NKAIN2: variants seen among roughly 807,000 people sequenced by gnomAD.
NKAIN2 encodes the protein sodium/potassium transporting ATPase interacting 2.
In NKAIN2, 14 loss-of-function variants were observed where a neutral mutation model predicts 32.6. That is an observed-to-expected ratio of 0.43 (90% CI 0.28 to 0.67). NKAIN2 has a LOEUF of 0.67. NKAIN2 is among the 30% of genes least tolerant of loss of function. NKAIN2 has a pLI of 0.17. For synonymous variants in NKAIN2, 80 were observed against 87.2 expected (o/e 0.92, Z 0.46); for missense variants, 198 against 258.3 (o/e 0.77, Z 1.60).
At chr6:123,854,309 C>T (rs1775474543) in intron 1 of NKAIN2, among the ~76,000 whole-genome samples, 1 of 152,132 alleles carries the variant, frequency 6.6e-6, no homozygotes, top group Non-Finnish European at 1.5e-5. Context: ...AATCAAAAGA[C>T]ATTTTAATTT....
intron 1 of NKAIN2, among the ~76,000 whole-genome samples, chr6:123,889,351 C>T (rs556073942): frequency 6.6e-6 from 1 of 152,040 alleles, no homozygotes; most frequent in Non-Finnish European, 1.5e-5. Flanking sequence ...TATATTTTGC[C>T]CTTTTCTACC....
intron 3 of NKAIN2, among the ~76,000 whole-genome samples, chr6:124,416,518 A>G (rs1774494825): frequency 6.6e-6 from 1 of 152,154 alleles, no homozygotes; most frequent in Non-Finnish European, 1.5e-5. Context: ...ATGCACCTGT[A>G]GTCCCGGCTG....
chr6:124,813,295 A>G (rs1780997903), intron 5 of NKAIN2, among the ~76,000 whole-genome samples: 1 of 152,174 alleles, frequency 6.6e-6, no homozygotes, highest in African/African-American at 2.4e-5. Context: ...ACAGTATTAG[A>G]TCAAAGAAGA....
intron 1 of NKAIN2, among the ~76,000 whole-genome samples, chr6:124,159,008 G>C (rs1788135820): frequency 6.6e-6 from 1 of 152,166 alleles, no homozygotes; most frequent in Non-Finnish European, 1.5e-5. Context: ...CTATGACATA[G>C]ATGTAATGCT....
At chr6:124,614,191 C>G (rs1253219232) in intron 3 of NKAIN2, among the ~76,000 whole-genome samples, 5 of 152,118 alleles carry the variant, frequency 3.3e-5, no homozygotes, top group Non-Finnish European at 5.9e-5. Context: ...GTCAGGAGTT[C>G]GAGACCAGCC....
At chr6:124,185,259 T>G (rs1299359115) in intron 1 of NKAIN2, among the ~76,000 whole-genome samples, 4 of 152,160 alleles carry the variant, frequency 2.6e-5, no homozygotes, top group Admixed American at 1.3e-4. Flanking sequence ...ATTCATTTCA[T>G]TATAACTGTA....
chr6:123,971,880 T>C (rs1359810640), intron 1 of NKAIN2, among the ~76,000 whole-genome samples: 1 of 152,186 alleles, frequency 6.6e-6, no homozygotes, highest in African/African-American at 2.4e-5. Context: ...TAAAGTTTCA[T>C]ATTCTGCAAG....
At chr6:124,635,078 CAAAG>C (rs372766067) in intron 3 of NKAIN2, among the ~76,000 whole-genome samples, 14 of 147,760 alleles carry the variant, frequency 9.5e-5, no homozygotes, top group Admixed American at 1.3e-4. Flanking sequence ...AGAAAAAAGA[CAAAG>C]AAAGAAAGAG....
chr6:124,357,100 A>G (rs971283591), intron 3 of NKAIN2, among the ~76,000 whole-genome samples: 3 of 152,132 alleles, frequency 2.0e-5, no homozygotes, highest in African/African-American at 7.2e-5. Context: ...AATTCTTCCA[A>G]TGTACATGGG....
At chr6:124,707,981 C>T (rs1252475201) in intron 4 of NKAIN2, among the ~76,000 whole-genome samples, 8 of 148,780 alleles carry the variant, frequency 5.4e-5, no homozygotes, top group Non-Finnish European at 7.5e-5. Flanking sequence ...TTAGGTCTAA[C>T]GTTTAAGTCT....
At chr6:124,556,028 A>C (rs1342014884) in intron 3 of NKAIN2, among the ~76,000 whole-genome samples, 1 of 151,872 alleles carries the variant, frequency 6.6e-6, no homozygotes, top group Non-Finnish European at 1.5e-5. Context: ...AGCCACATAA[A>C]AACTTCTTCC....
intron 4 of NKAIN2, among the ~76,000 whole-genome samples, chr6:124,760,938 GT>G (rs1246537957): frequency 6.6e-6 from 1 of 152,100 alleles, no homozygotes; most frequent in African/African-American, 2.4e-5. Flanking sequence ...ACACAGAATG[GT>G]TTCTGGCACA....
chr6:124,101,176 G>T (rs976012420), intron 1 of NKAIN2, among the ~76,000 whole-genome samples: 1 of 152,076 alleles, frequency 6.6e-6, no homozygotes, highest in Non-Finnish European at 1.5e-5. Flanking sequence ...TTTAAAGTTG[G>T]CATTTTAGGC....
chr6:124,500,337 C>CT (rs1178926568), intron 3 of NKAIN2, among the ~76,000 whole-genome samples: 452 of 150,898 alleles, frequency 3.0e-3, no homozygotes, highest in African/African-American at 9.5e-3. Flanking sequence ...GATGACAACC[C>CT]TTTTTTTTTA....
At chr6:124,476,045 TGTGA>T (rs1431985463) in intron 3 of NKAIN2, among the ~76,000 whole-genome samples, 2 of 119,846 alleles carry the variant, frequency 1.7e-5, no homozygotes, top group African/African-American at 6.8e-5. Flanking sequence ...AGAGTGTGTG[TGTGA>T]GAGAGAGAGA....
intron 1 of NKAIN2, among the ~76,000 whole-genome samples, chr6:123,895,239 ACAGCAACAGCAGCAG>A (rs1774224571): frequency 6.6e-6 from 1 of 151,614 alleles, no homozygotes; most frequent in Non-Finnish European, 1.5e-5. Context: ...ACACATACAC[ACAGCAACAGCAGCAG>A]CAGCAGCAGC....
At chr6:124,727,139 G>T (rs9491225) in intron 4 of NKAIN2, among the ~76,000 whole-genome samples, 149,325 of 151,806 alleles carry the variant, frequency 0.98, 73,472 homozygotes, top group East Asian at 1. Context: ...TTCTGCAGGA[G>T]ATTATCCAGG....
At chr6:124,268,854 G>A (rs372318684) in intron 1 of NKAIN2, among the ~76,000 whole-genome samples, 2 of 152,056 alleles carry the variant, frequency 1.3e-5, no homozygotes, top group East Asian at 1.9e-4. Flanking sequence ...TAACAGCCAT[G>A]TAACCTTGGT....
At chr6:123,910,131 C>T (rs1775098445) in intron 1 of NKAIN2, among the ~76,000 whole-genome samples, 1 of 152,140 alleles carries the variant, frequency 6.6e-6, no homozygotes, top group African/African-American at 2.4e-5. Flanking sequence ...TGGTTAGGCA[C>T]TTCCACTTCC....
Sources: gnomAD v4.1 joint callset for allele counts (sites outside exome capture counted in the v4.1 genomes callset) on GRCh38, gnomAD v4.1.1 for gene constraint, MANE v1.5 for transcripts, NCBI Gene and HGNC (gene_info 2026-07-23, HGNC 2026-07-21) for gene names.